The following TTLL5 variants were observed in gnomAD, a reference collection of about 807,000 sequenced individuals.
TTLL5 encodes the protein tubulin polyglutamylase TTLL5.
TTLL5 carries 132 observed loss-of-function variants against 168.4 expected under a neutral mutation model. The ratio of observed to expected loss-of-function variants is 0.78; its 90% CI spans 0.68 to 0.91. TTLL5 has a LOEUF of 0.91. Ranked by LOEUF, TTLL5 falls within the 40% of genes least tolerant of loss-of-function variation. The pLI is 0.00. For synonymous variants in TTLL5, 546 were observed against 558.6 expected (o/e 0.98, Z 0.32); for missense variants, 1,545 against 1,581.5 (o/e 0.98, Z 0.39).
At chr14:75,954,376 C>A (rs1272088145) in intron 31 of TTLL5, 48 bp from the exon 32 acceptor site, 7 of 1,606,324 alleles carry the variant, frequency 4.4e-6, no homozygotes, top group Non-Finnish European at 5.1e-6. Context: ...TAAGTAAAAC[C>A]CCATGCTGTC....
At chr14:75,765,380 A>T (rs954331824) in intron 19 of TTLL5, among the ~76,000 whole-genome samples, 2 of 152,208 alleles carry the variant, frequency 1.3e-5, no homozygotes, top group Non-Finnish European at 2.9e-5. Flanking sequence ...GGATAGAAAG[A>T]TATTCCCCTG....
chr14:75,741,940 GAGA>G (rs1465347410), intron 15 of TTLL5, among the ~76,000 whole-genome samples: 2 of 152,114 alleles, frequency 1.3e-5, no homozygotes, highest in Non-Finnish European at 2.9e-5. Flanking sequence ...AGGTTAGTAG[GAGA>G]AGGTTGCCAC....
chr14:75,707,777 A>G (rs1886765879), intron 9 of TTLL5, 70 bp downstream of exon 9: 2 of 1,269,242 alleles, frequency 1.6e-6, no homozygotes, highest in Admixed American at 1.9e-5. Flanking sequence ...GAGTGGATCC[A>G]TTAACAAGTT....
intron 14 of TTLL5, among the ~76,000 whole-genome samples, chr14:75,734,862 T>C (rs566150554): frequency 6.6e-6 from 1 of 152,380 alleles, no homozygotes; most frequent in East Asian, 1.9e-4. Flanking sequence ...AAGTAACTTG[T>C]TTTTATTAAC....
rs754096908 is a variant in TTLL5 at position 75,783,531 on chromosome 14, G to T, written c.2986+1G>T. The T allele has an allele frequency of 6.2e-7, 1 of 1,612,050 alleles. No homozygotes were observed. The highest frequency in any genetic ancestry group is 1.1e-5 in the South Asian group (1 of 90,956). ...TCTCGTCCCTCTTCAGCAAAGGCAG[G>T]TGAGTGAGAGAACGAAAGACAGTCC... On this transcript the variant is annotated splice_donor_variant, in intron 26 of 31. Coordinates refer to ENST00000298832, the MANE Select transcript of TTLL5 (RefSeq NM_015072.5). LOFTEE classifies it high-confidence loss of function.
intron 31 of TTLL5, among the ~76,000 whole-genome samples, chr14:75,906,923 T>TAGAG (rs1566655109): frequency 6.6e-6 from 1 of 152,200 alleles, no homozygotes. Flanking sequence ...CTACTATTAC[T>TAGAG]AGAGGCTTTT....
chr14:75,766,240 A>G lies in TTLL5; in HGVS notation c.1887A>G (p.Thr629=), dbSNP rs542532441. 2 of 1,614,090 alleles carry G rather than the reference A, an allele frequency of 1.2e-6. No individual in the cohort carries two copies. Among genetic ancestry groups the G allele is most frequent in the Admixed American group, 1.7e-5 (1 of 60,018 alleles). The part of the protein sequence containing the change: ...TPSLTALVEN[T]PKENSMKVRE... Reference sequence around the variant, plus strand: ...CATTGACAGCTTTGGTAGAAAATACACCCAAAGAAAATTCCATGAAAGTTC... The same window carrying G: ...CATTGACAGCTTTGGTAGAAAATACGCCCAAAGAAAATTCCATGAAAGTTC... The change falls in exon 20 of 32, where the codon ACA becomes ACG. Residue 629 remains threonine (T), a synonymous_variant. Coordinates refer to ENST00000298832, the MANE Select transcript of TTLL5 (RefSeq NM_015072.5).
intron 20 of TTLL5, among the ~76,000 whole-genome samples, chr14:75,770,900 C>T (rs1052474862): frequency 7.2e-5 from 11 of 152,156 alleles, no homozygotes; most frequent in Non-Finnish European, 1.5e-4. Flanking sequence ...ACAGTGTGGC[C>T]TTAAATTTGG....
At chr14:75,875,026 C>T (rs111987625) in intron 29 of TTLL5, among the ~76,000 whole-genome samples, 21,693 of 146,836 alleles carry the variant, frequency 0.15, 2,320 homozygotes, top group East Asian at 0.39. Context: ...CTCCGCCTCC[C>T]GGGTTCACAC....
intron 28 of TTLL5, among the ~76,000 whole-genome samples, chr14:75,850,489 T>C (rs2139886409): frequency 6.7e-6 from 1 of 149,584 alleles, no homozygotes; most frequent in East Asian, 2.0e-4. Context: ...ATTAAGTTTC[T>C]GGGACTCTGT....
At chr14:75,747,606 G>A (rs1430978694) in intron 17 of TTLL5, among the ~76,000 whole-genome samples, 1 of 151,282 alleles carries the variant, frequency 6.6e-6, no homozygotes, top group Non-Finnish European at 1.5e-5. Flanking sequence ...TTATTTTTAA[G>A]CATTGTTATG....
chr14:75,733,834 G>C (rs184896895), intron 13 of TTLL5, among the ~76,000 whole-genome samples, 155 bp from the exon 14 acceptor site: 21 of 152,244 alleles, frequency 1.4e-4, no homozygotes, highest in Admixed American at 3.3e-4. Flanking sequence ...TTTTGCCCAG[G>C]ATTTTTCCCC....
intron 29 of TTLL5, among the ~76,000 whole-genome samples, chr14:75,878,744 G>A (rs1156616360): frequency 6.6e-6 from 1 of 152,164 alleles, no homozygotes; most frequent in East Asian, 1.9e-4. Flanking sequence ...TGTTTGAAGT[G>A]AAAACTAATC....
chr14:75,878,564 G>T (rs1470463430), intron 29 of TTLL5, among the ~76,000 whole-genome samples: 2 of 152,156 alleles, frequency 1.3e-5, no homozygotes, highest in Non-Finnish European at 2.9e-5. Flanking sequence ...TATGGCATGT[G>T]TTATCCCTAG....
At chr14:75,941,214 G>A (rs1425101860) in intron 31 of TTLL5, among the ~76,000 whole-genome samples, 1 of 152,212 alleles carries the variant, frequency 6.6e-6, no homozygotes, top group Admixed American at 6.5e-5. Context: ...CCTTGCAGCT[G>A]TGCCCGGCGC....
At chr14:75,731,370 TACATACAC>T (rs1227005215) in intron 12 of TTLL5, among the ~76,000 whole-genome samples, 68 of 78,644 alleles carry the variant, frequency 8.6e-4, no homozygotes, top group Middle Eastern at 7.6e-3. Flanking sequence ...AATATACACA[TACATACAC>T]ACACACACAC....
chr14:75,919,877 T>C (rs2033763625), intron 31 of TTLL5, among the ~76,000 whole-genome samples: 2 of 151,356 alleles, frequency 1.3e-5, no homozygotes, highest in Admixed American at 6.6e-5. Context: ...TCCCAGCATT[T>C]TGGGAGGCCA....
intron 29 of TTLL5, among the ~76,000 whole-genome samples, chr14:75,870,858 G>A (rs1595180358): frequency 1.3e-5 from 2 of 149,224 alleles, no homozygotes; most frequent in Admixed American, 6.7e-5. Context: ...GCAGTGGCTC[G>A]ATCTCGGCTC....
Position 75,851,268 on chromosome 14 carries a change from A to C in TTLL5, c.3327-12399A>C, listed in dbSNP as rs184850899. 1.7e-3 allele frequency among the ~76,000 whole-genome samples: 255 copies of C among 152,316 alleles called. 5 individuals are homozygous for C. The highest frequency in any genetic ancestry group is 5.7e-3 in the African/African-American group (237 of 41,578). On this transcript the variant is annotated intron_variant, in intron 28 of 31. Coordinates refer to ENST00000298832, the MANE Select transcript of TTLL5 (RefSeq NM_015072.5). ...ACACACAGAGGAAGAATATACGTCA[A>C]CATGGTGACAAAATGTAGCAGACGT...
Sources: allele counts gnomAD v4.1 joint callset (sites outside exome capture counted in the v4.1 genomes callset), GRCh38; gene constraint gnomAD v4.1.1; transcripts MANE v1.5; gene names NCBI Gene and HGNC (gene_info 2026-07-23, HGNC 2026-07-21).